Variants in SPAG16 observed in about 807,000 individuals in gnomAD.
SPAG16 encodes the protein sperm-associated antigen 16 protein.
SPAG16 carries 86 observed loss-of-function variants against 80.4 expected under a neutral mutation model. The observed-to-expected ratio is 1.07, with a 90% CI of 0.90 to 1.28. The LOEUF (loss-of-function observed/expected upper bound fraction) is 1.28, where lower values mean the gene tolerates loss of function less well. SPAG16 is among the 50% of genes most tolerant of loss of function. SPAG16 has a pLI of 0.00. For synonymous variants in SPAG16, 294 were observed against 265.9 expected, an observed-to-expected ratio of 1.11 and a Z score of -1.03; for missense variants, 870 against 765.3, an observed-to-expected ratio of 1.14 and a Z score of -1.61.
chr2:213,436,687 TA>T (rs1215120137), intron 9 of SPAG16, among the ~76,000 whole-genome samples: 1 of 152,148 alleles, frequency 6.6e-6, no homozygotes. Flanking sequence ...TCACTTTCTT[TA>T]AAAATATGTA....
At chr2:213,898,228 C>T (rs542471876) in intron 11 of SPAG16, among the ~76,000 whole-genome samples, 11 of 152,226 alleles carry the variant, frequency 7.2e-5, no homozygotes, top group Admixed American at 5.9e-4. Context: ...AGAACATGAA[C>T]GTTCTGATTT....
At chr2:213,527,315 A>C (rs920358898) in intron 10 of SPAG16, among the ~76,000 whole-genome samples, 2 of 152,162 alleles carry the variant, frequency 1.3e-5, no homozygotes, top group Non-Finnish European at 2.9e-5. Flanking sequence ...GCTTGGTTTT[A>C]GCTTTCTCAG....
intron 9 of SPAG16, among the ~76,000 whole-genome samples, chr2:213,423,904 G>T (rs1489269168): frequency 1.3e-5 from 2 of 152,098 alleles, no homozygotes; most frequent in Non-Finnish European, 2.9e-5. Context: ...AGGATCCTGG[G>T]TGAAAACTAG....
intron 11 of SPAG16, among the ~76,000 whole-genome samples, chr2:213,900,405 T>C (rs916736907): frequency 1.3e-5 from 2 of 152,150 alleles, no homozygotes; most frequent in Non-Finnish European, 2.9e-5. Flanking sequence ...ATTAAAATAA[T>C]TAAGTTCAAA....
intron 14 of SPAG16, among the ~76,000 whole-genome samples, chr2:214,128,828 G>A (rs1281936242): frequency 6.6e-6 from 1 of 151,802 alleles, no homozygotes; most frequent in African/African-American, 2.4e-5. Flanking sequence ...ATGCTGTCAA[G>A]TTACTTAGAA....
chr2:213,741,922 T>C (rs548016722), intron 10 of SPAG16, among the ~76,000 whole-genome samples: 1 of 152,302 alleles, frequency 6.6e-6, no homozygotes, highest in African/African-American at 2.4e-5. Flanking sequence ...TTTGGCTTCA[T>C]ATGTGCATGG....
At chr2:214,087,398 G>A (rs2051842988) in intron 13 of SPAG16, among the ~76,000 whole-genome samples, 1 of 151,996 alleles carries the variant, frequency 6.6e-6, no homozygotes, top group Admixed American at 6.6e-5. Context: ...ATGGAAAATT[G>A]ATTATGATAT....
At chr2:213,584,717 T>G (rs1385216006) in intron 10 of SPAG16, among the ~76,000 whole-genome samples, 1 of 152,148 alleles carries the variant, frequency 6.6e-6, no homozygotes, top group Admixed American at 6.5e-5. Flanking sequence ...TCTCGACTTT[T>G]GGAAAAGGGA....
chr2:214,019,978 G>T (rs1232907024), intron 13 of SPAG16, among the ~76,000 whole-genome samples: 1 of 152,126 alleles, frequency 6.6e-6, no homozygotes, highest in Non-Finnish European at 1.5e-5. Flanking sequence ...CTGTGCCAAA[G>T]CTCACTGTCT....
At chr2:213,682,144 A>G (rs929981490) in intron 10 of SPAG16, among the ~76,000 whole-genome samples, 1 of 152,210 alleles carries the variant, frequency 6.6e-6, no homozygotes, top group Non-Finnish European at 1.5e-5. Flanking sequence ...AATACCTTGA[A>G]TTGACTCCTA....
At chr2:213,373,783 T>A (rs1481504608) in intron 8 of SPAG16, among the ~76,000 whole-genome samples, 1 of 152,210 alleles carries the variant, frequency 6.6e-6, no homozygotes, top group Admixed American at 6.6e-5. Flanking sequence ...ATTATTTACA[T>A]AATTGCATAA....
chr2:213,416,333 C>A (rs2069250794), intron 9 of SPAG16, among the ~76,000 whole-genome samples: 1 of 152,160 alleles, frequency 6.6e-6, no homozygotes, highest in Non-Finnish European at 1.5e-5. Context: ...GTATCAGGGA[C>A]CAGATCTTTG....
intron 15 of SPAG16, among the ~76,000 whole-genome samples, chr2:214,324,388 A>C (rs532300092): frequency 8.3e-4 from 126 of 152,224 alleles, no homozygotes; most frequent in Admixed American, 1.3e-3. Flanking sequence ...CAAAGAATAA[A>C]GCTTTAATAG....
At chr2:213,361,668 GA>G (rs891816556) in intron 7 of SPAG16, among the ~76,000 whole-genome samples, 2 of 138,300 alleles carry the variant, frequency 1.4e-5, no homozygotes, top group African/African-American at 2.5e-5. Context: ...GAACAGAAAA[GA>G]AAAAAAAACT....
chr2:213,445,146 G>A (rs1411711550), intron 9 of SPAG16, among the ~76,000 whole-genome samples: 1 of 152,110 alleles, frequency 6.6e-6, no homozygotes, highest in Non-Finnish European at 1.5e-5. Flanking sequence ...AGCAAAAATG[G>A]ACAAATGGAA....
intron 10 of SPAG16, among the ~76,000 whole-genome samples, chr2:213,612,893 G>A (rs894232179): frequency 1.3e-5 from 2 of 151,958 alleles, no homozygotes; most frequent in Non-Finnish European, 2.9e-5. Context: ...GGCTGGTCTC[G>A]AACTCCTGAC....
chr2:213,929,317 A>G (rs2078645096), intron 11 of SPAG16, among the ~76,000 whole-genome samples: 1 of 151,772 alleles, frequency 6.6e-6, no homozygotes, highest in Admixed American at 6.6e-5. Flanking sequence ...CCCGAGCCTG[A>G]CGCCTACCCA....
At chr2:213,793,754 T>G (rs1490245094) in intron 10 of SPAG16, among the ~76,000 whole-genome samples, 1 of 152,218 alleles carries the variant, frequency 6.6e-6, no homozygotes. Flanking sequence ...TAATGTTGCC[T>G]CTTTGAAATG....
intron 9 of SPAG16, among the ~76,000 whole-genome samples, chr2:213,430,111 T>C (rs2070198264): frequency 6.6e-6 from 1 of 152,128 alleles, no homozygotes. Context: ...ATTCAGGATA[T>C]AAATGAGAAA....
Sources: allele counts gnomAD v4.1 joint callset (sites outside exome capture counted in the v4.1 genomes callset), GRCh38; gene constraint gnomAD v4.1.1; transcripts MANE v1.5; gene names NCBI Gene and HGNC (gene_info 2026-07-23, HGNC 2026-07-21).